The following TBL1XR1 variants were observed in gnomAD, a reference collection of about 807,000 sequenced individuals.
TBL1XR1 encodes the protein TBL1X/Y related 1, also known as F-box-like/WD repeat-containing protein TBL1XR1.
In TBL1XR1, 5 loss-of-function variants were observed where a neutral mutation model predicts 66.9. The observed-to-expected ratio is 0.07, with a 90% CI of 0.04 to 0.16. TBL1XR1 has a LOEUF of 0.16. Ranked by LOEUF, TBL1XR1 falls within the 10% of genes least tolerant of loss-of-function variation. The probability of loss-of-function intolerance (pLI) is 1.00; values close to 1 mark genes in which losing one functional copy is unlikely to be tolerated. For missense variants in TBL1XR1, 238 were observed against 623.2 expected, an observed-to-expected ratio of 0.38 and a Z score of 6.58; for synonymous variants, 210 against 206.0, an observed-to-expected ratio of 1.02 and a Z score of -0.17.
intron 9 of TBL1XR1, among the ~76,000 whole-genome samples, chr3:177,046,724 T>C (rs1716373991): frequency 6.6e-6 from 1 of 152,008 alleles, no homozygotes; most frequent in Non-Finnish European, 1.5e-5. Flanking sequence ...TTGCCACTTT[T>C]TTTATTGCTC....
intron 1 of TBL1XR1, among the ~76,000 whole-genome samples, chr3:177,121,520 CCAAA>C (rs1234416360): frequency 6.6e-6 from 1 of 152,140 alleles, no homozygotes; most frequent in South Asian, 2.1e-4. Flanking sequence ...AGCCTCCCTT[CCAAA>C]CAATGTGCAA....
chr3:177,082,325 T>C (rs1721495503), intron 2 of TBL1XR1, among the ~76,000 whole-genome samples: 1 of 152,046 alleles, frequency 6.6e-6, no homozygotes, highest in Non-Finnish European at 1.5e-5. Context: ...ATCAAGTAAT[T>C]TCATGTTATG....
chr3:177,179,371 T>C (rs1222418579), intron 1 of TBL1XR1, among the ~76,000 whole-genome samples: 2 of 152,226 alleles, frequency 1.3e-5, no homozygotes, highest in Non-Finnish European at 2.9e-5. Flanking sequence ...CTCCTTGTTG[T>C]ACTGACATAA....
At position 177,050,480 on chromosome 3, in the gene TBL1XR1, T is replaced by C. The variant is rs760252840; in HGVS notation, c.558A>G (p.Ser186=). The C allele has an allele frequency of 1.6e-5, 26 of 1,613,672 alleles. No individual in the cohort carries two copies. The highest frequency in any genetic ancestry group is 2.2e-5 in the Non-Finnish European group (26 of 1,179,748). The part of the protein sequence containing the change: ...AWNPVSDLLA[S]GSGDSTARIW... ...TAGTATCACTTTGAGAAACATACCC[T>C]GATGCTAGGAGATCACTAACAGGGT... The change falls in exon 6 of 16, where the codon TCA becomes TCG. Residue 186 remains serine (S), a splice_region_variant and synonymous_variant. Transcript: ENST00000457928.
intron 2 of TBL1XR1, among the ~76,000 whole-genome samples, chr3:177,067,460 G>A (rs1480878140): frequency 4.1e-5 from 6 of 147,398 alleles, no homozygotes; most frequent in Non-Finnish European, 7.5e-5. Context: ...CAATTTCCCA[G>A]CTGAAACTAG....
chr3:177,123,176 A>G (rs1727190030), intron 1 of TBL1XR1, among the ~76,000 whole-genome samples: 1 of 152,136 alleles, frequency 6.6e-6, no homozygotes, highest in South Asian at 2.1e-4. Flanking sequence ...TGATTAGTAT[A>G]TTGTAATAGT....
At chr3:177,150,934 A>G (rs1236796748) in intron 1 of TBL1XR1, among the ~76,000 whole-genome samples, 3 of 152,238 alleles carry the variant, frequency 2.0e-5, no homozygotes, top group African/African-American at 7.2e-5. Flanking sequence ...ACTGTATTGG[A>G]AGGTGAGTTG....
At chr3:177,054,356 A>T (rs1372378898) in intron 3 of TBL1XR1, among the ~76,000 whole-genome samples, 2 of 152,178 alleles carry the variant, frequency 1.3e-5, no homozygotes, top group Non-Finnish European at 2.9e-5. Flanking sequence ...ATCTAGAATT[A>T]AGGAACTTTA....
intron 2 of TBL1XR1, among the ~76,000 whole-genome samples, chr3:177,094,216 G>A (rs573073378): frequency 3.3e-5 from 5 of 151,780 alleles, no homozygotes; most frequent in African/African-American, 1.2e-4. Flanking sequence ...CAACAAACAT[G>A]AAAAAAATAC....
intron 1 of TBL1XR1, among the ~76,000 whole-genome samples, chr3:177,186,718 T>C (rs1398705078): frequency 6.6e-6 from 1 of 152,204 alleles, no homozygotes; most frequent in Non-Finnish European, 1.5e-5. Flanking sequence ...TATTACTCTA[T>C]GAAAGGCTGT....
Position 177,179,117 on chromosome 3 carries a change from C to CAA in TBL1XR1, c.-122+18002_-122+18003dup, listed in dbSNP as rs71178099. 4.4e-3 allele frequency among the ~76,000 whole-genome samples: 474 copies of CAA among 107,018 alleles called. 17 individuals carry two copies. The highest frequency in any genetic ancestry group is 0.015 in the African/African-American group (341 of 23,328). 70.2% of individuals were successfully genotyped at this position (107,018 alleles called of 152,430 possible). On this transcript the variant is annotated intron_variant, in intron 1 of 15. Transcript: ENST00000457928. ...GGGCAACAAGAGCGAAACTACGTCT[C>CAA]AAAAAAAAAAAAAAAAAAAAAAAAG... is the stretch of plus-strand genomic sequence containing the variant.
intron 2 of TBL1XR1, among the ~76,000 whole-genome samples, chr3:177,077,288 T>C (rs1045194771): frequency 6.6e-6 from 1 of 152,218 alleles, no homozygotes; most frequent in Non-Finnish European, 1.5e-5. Flanking sequence ...TATTATTAAC[T>C]TGAAACTTTT....
intron 1 of TBL1XR1, among the ~76,000 whole-genome samples, chr3:177,176,549 A>C (rs1279443439): frequency 6.6e-6 from 1 of 150,674 alleles, no homozygotes; most frequent in East Asian, 2.0e-4. Context: ...AAGCTGGCTC[A>C]CACCTGTAAT....
intron 7 of TBL1XR1, among the ~76,000 whole-genome samples, chr3:177,049,557 A>T (rs1274496339): frequency 2.0e-5 from 3 of 152,218 alleles, no homozygotes; most frequent in African/African-American, 7.2e-5. Context: ...CTACCAGTTC[A>T]CAGAATACAG....
At chr3:177,180,150 T>C (rs1317157667) in intron 1 of TBL1XR1, among the ~76,000 whole-genome samples, 5 of 149,440 alleles carry the variant, frequency 3.3e-5, no homozygotes, top group African/African-American at 9.9e-5. Context: ...GGCAGGAGAA[T>C]TGCCTGAATC....
At chr3:177,139,256 T>C (rs924140869) in intron 1 of TBL1XR1, among the ~76,000 whole-genome samples, 1 of 152,218 alleles carries the variant, frequency 6.6e-6, no homozygotes. Context: ...GTGTGGTGGC[T>C]CATGCCTGCA....
chr3:177,168,468 G>T (rs1560254819), intron 1 of TBL1XR1, among the ~76,000 whole-genome samples: 1 of 152,060 alleles, frequency 6.6e-6, no homozygotes, highest in Non-Finnish European at 1.5e-5. Flanking sequence ...TTTTAGTAGA[G>T]GCGGGGTTTC....
intron 1 of TBL1XR1, among the ~76,000 whole-genome samples, chr3:177,104,506 G>C (rs1474521613): frequency 1.3e-5 from 2 of 152,124 alleles, no homozygotes; most frequent in Non-Finnish European, 2.9e-5. Flanking sequence ...CAGCCAGAAG[G>C]TAAGGCAGGT....
intron 1 of TBL1XR1, among the ~76,000 whole-genome samples, chr3:177,194,957 G>A (rs943262201): frequency 1.1e-4 from 11 of 98,706 alleles, no homozygotes; most frequent in African/African-American, 3.8e-4. Flanking sequence ...TACGTTAAAA[G>A]AAAAATGTCA....
Sources: gnomAD v4.1 joint callset for allele counts (sites outside exome capture counted in the v4.1 genomes callset) on GRCh38, gnomAD v4.1.1 for gene constraint, MANE v1.5 for transcripts, NCBI Gene and HGNC (gene_info 2026-07-23, HGNC 2026-07-21) for gene names.